The following TESPA1 variants were observed in gnomAD, a reference collection of about 807,000 sequenced individuals.
TESPA1 encodes the protein thymocyte expressed, positive selection associated 1, also known as protein TESPA1.
Under a neutral mutation model 57.9 loss-of-function variants are expected in TESPA1, and 33 were observed. The observed-to-expected ratio is 0.57, with a 90% confidence interval of 0.43 to 0.76. TESPA1 has a LOEUF of 0.76. TESPA1 is among the 30% of genes least tolerant of loss of function. The pLI is 0.00. For synonymous variants in TESPA1, 227 were observed against 228.9 expected, an observed-to-expected ratio of 0.99 and a Z score of 0.07; for missense variants, 618 against 632.9, an observed-to-expected ratio of 0.98 and a Z score of 0.25.
rs1951495363 is a variant in TESPA1 at position 54,967,170 on chromosome 12, C to T, written c.310+13G>A. 2 of 1,613,086 alleles carry T rather than the reference C, an allele frequency of 1.2e-6. No individual in the cohort carries two copies. The highest frequency in any genetic ancestry group is 1.7e-6 in the Non-Finnish European group (2 of 1,179,658). On this transcript the variant is annotated intron_variant, in intron 5 of 10. Transcript: ENST00000449076. ...GTTTTCTCATCCCAACCTCAGAGAACTGTGCCACTTACCCTCCGCTCCCAG... is the reference window on the plus strand; with the variant it reads ...GTTTTCTCATCCCAACCTCAGAGAATTGTGCCACTTACCCTCCGCTCCCAG...
chr12:54,962,492 T>A lies in TESPA1; in HGVS notation c.1406A>T (p.Asp469Val). The A allele has an allele frequency of 3.1e-6, 5 of 1,613,278 alleles. No individual in the cohort carries two copies. The highest frequency in any genetic ancestry group is 4.2e-6 in the Non-Finnish European group (5 of 1,179,896). ...TAAAGACCGACGCAGTTCTGGTCTG[T>A]CTACACTCTGCTTCCATTTCTGCTG... ...ITQQKWKQSV[D>V]RPELRRSLSQ... The change falls in exon 9 of 11, where the codon GAC (aspartate) becomes GTC (valine). Residue 469 changes from aspartate (D) to valine (V), a missense_variant. Asp to Val is a radical substitution (Grantham distance 152). Around this residue, in one of 3 missense-constraint regions of TESPA1, gnomAD observed 409 missense variants for 420.1 expected, o/e 0.97. Transcript: ENST00000449076.
At position 54,948,286 on chromosome 12, in the gene TESPA1, C is replaced by T. The variant is rs10876662; in HGVS notation, c.*2106G>A. On this transcript the variant is annotated 3_prime_UTR_variant, in exon 11 of 11. Coordinates refer to ENST00000449076, the MANE Select transcript of TESPA1 (RefSeq NM_001136030.3). ...CCATTTTCACTTCTTTTGTGATTCTCCACTTGCTTCAGGCCATCTGGATGT... is the reference window on the plus strand; with the variant it reads ...CCATTTTCACTTCTTTTGTGATTCTTCACTTGCTTCAGGCCATCTGGATGT... The T allele has an allele frequency of 0.13, 23,602 of 177,560 alleles. 2,814 individuals are homozygous for T. Among genetic ancestry groups the T allele is most frequent in the East Asian group, 0.52 (3,410 of 6,568 alleles). 11.0% of individuals were successfully genotyped at this position (177,560 alleles called of 1,614,324 possible). A position where few individuals can be genotyped will look rare whatever the true frequency, so the allele number is the denominator to read the frequency against.
In TESPA1 at chr12:54,973,482, A is replaced by G. The variant is rs978106241; in HGVS notation, c.201T>C (p.Asp67=). The change falls in exon 3 of 11, where the codon GAT becomes GAC. Residue 67 remains aspartate (D), a synonymous_variant. Coordinates refer to ENST00000449076, the MANE Select transcript of TESPA1 (RefSeq NM_001136030.3). ...ATTGCCTGTCCAGCACTTACCCGCA[A>G]TCCTGCAGCCAGTCTTCAATTTTAT... ...PINKIEDWLQ[D]CGYSEEGFSE... is the part of the protein sequence containing the mutation. 37 of 1,613,928 alleles carry G rather than the reference A, an allele frequency of 2.3e-5. 1 individual carries two copies. Among genetic ancestry groups the G allele is most frequent in the Non-Finnish European group, 3.0e-5 (35 of 1,179,872 alleles).
rs559336085 is a variant in TESPA1, at chr12:54,973,435, AC to A, written c.206+41del. 8.2e-5 allele frequency: 133 copies of A among 1,613,334 alleles called. 1 individual carries two copies. In the African/African-American group the frequency reaches 1.4e-3, roughly 16 times the overall value. ...GGAGTTGTGTCTGTTAGCAAATTCA[AC>A]CATCAGCCACATACCACCCCATTGC... On this transcript the variant is annotated intron_variant, in intron 3 of 10. Coordinates refer to ENST00000449076, the MANE Select transcript of TESPA1 (RefSeq NM_001136030.3).
intron 5 of TESPA1, among the ~76,000 whole-genome samples, chr12:54,966,813 C>T (rs776962981): frequency 1.3e-5 from 2 of 152,168 alleles, no homozygotes; most frequent in Non-Finnish European, 2.9e-5. Flanking sequence ...ATGTCCTTCT[C>T]CTCCTGCAGT....
chr12:54,960,368 T>C (rs1015084434), intron 10 of TESPA1, among the ~76,000 whole-genome samples: 2 of 152,208 alleles, frequency 1.3e-5, no homozygotes, highest in Middle Eastern at 3.2e-3. Context: ...AAATTTTAGC[T>C]GCAATAAATA....
intron 1 of TESPA1, among the ~76,000 whole-genome samples, chr12:54,980,191 A>G (rs1418130788): frequency 6.6e-6 from 1 of 152,216 alleles, no homozygotes; most frequent in African/African-American, 2.4e-5. Flanking sequence ...GCATCTATGT[A>G]AGCTCTCCAT....
rs1385041581 is a variant in TESPA1, at chr12:54,974,448, C to A, written c.115G>T (p.Asp39Tyr). The change falls in exon 2 of 11, where the codon GAT becomes TAT. Residue 39 changes from aspartate to tyrosine, a missense_variant. Physicochemically the swap from Asp to Tyr is radical, Grantham distance 160. This residue lies in a region of TESPA1 where 199 missense variants were observed against 184.0 expected (regional missense o/e 1.08). Coordinates refer to ENST00000449076, the MANE Select transcript of TESPA1 (RefSeq NM_001136030.3). ...LEEEAAAALQDVPDPEPSSLD... is the reference protein window; with the variant it reads ...LEEEAAAALQYVPDPEPSSLD... ...CTGGAAGGCTCAGGATCTGGGACAT[C>A]CTGCAGGGCGGCGGCAGCCTCCTCT... 1 of 1,610,570 alleles carries A rather than the reference C, an allele frequency of 6.2e-7. No homozygotes were observed. Among genetic ancestry groups the A allele is most frequent in the Non-Finnish European group, 8.5e-7 (1 of 1,178,526 alleles).
rs114547666 is a variant in TESPA1, at chr12:54,954,035, C to G, written c.*2-3645G>C. ...TCTTGCTGGTGACTTTATAAGAAGG[C>G]AAGTACATTTCAGTGGTGACAAAGG... On this transcript the variant is annotated intron_variant, in intron 10 of 10. Transcript: ENST00000449076. Among the ~76,000 whole-genome samples the G allele has an allele frequency of 8.7e-3, 1,328 of 152,272 alleles. 8 individuals carry two copies. The highest frequency in any genetic ancestry group is 0.024 in the Middle Eastern group (7 of 294).
chr12:54,970,953 C>A (rs1565863650), intron 3 of TESPA1, among the ~76,000 whole-genome samples: 1 of 152,166 alleles, frequency 6.6e-6, no homozygotes, highest in Non-Finnish European at 1.5e-5. Flanking sequence ...ATGAGCAACA[C>A]AGTCATGTCC....
intron 2 of TESPA1, 54 bp from the exon 3 acceptor site, chr12:54,973,573 T>A (rs371606741): frequency 6.2e-7 from 1 of 1,613,310 alleles, no homozygotes; most frequent in Non-Finnish European, 8.5e-7. Context: ...TCAGACCTCC[T>A]CCCTGCAACT....
chr12:54,953,876 G>A (rs376804417), intron 10 of TESPA1, among the ~76,000 whole-genome samples: 32 of 152,144 alleles, frequency 2.1e-4, no homozygotes, highest in African/African-American at 6.8e-4. Context: ...GCCATCTTCT[G>A]AAAGGTTAAT....
At chr12:54,964,935 G>T (rs1268216945) in intron 7 of TESPA1, among the ~76,000 whole-genome samples, 1 of 152,120 alleles carries the variant, frequency 6.6e-6, no homozygotes, top group Non-Finnish European at 1.5e-5. Flanking sequence ...TTGAACTAGG[G>T]TATGAACTAG....
intron 10 of TESPA1, among the ~76,000 whole-genome samples, chr12:54,958,443 T>G (rs1217530418): frequency 2.6e-5 from 4 of 152,184 alleles, no homozygotes; most frequent in Non-Finnish European, 4.4e-5. Flanking sequence ...CCTTTACTTG[T>G]GATTTTCTGT....
intron 1 of TESPA1, among the ~76,000 whole-genome samples, chr12:54,982,329 C>T (rs183457545): frequency 1.3e-5 from 2 of 152,204 alleles, no homozygotes; most frequent in East Asian, 1.9e-4. Flanking sequence ...TCAATCTGTT[C>T]GGGGAAAAGG....
rs781152899 is a variant in TESPA1, at chr12:54,962,732, G to A, written c.1166C>T (p.Pro389Leu). 2.7e-5 allele frequency: 43 copies of A among 1,613,772 alleles called. No homozygotes were observed. Among genetic ancestry groups the A allele is most frequent in the Non-Finnish European group, 3.6e-5 (43 of 1,179,894 alleles). Residue 389 changes from proline (P) to leucine (L), a missense_variant, in exon 9 of 11, where the codon CCC becomes CTC. By Grantham distance (98) the Pro-to-Leu change is moderately conservative. Transcript: ENST00000449076. ...SQTLDSNPKVPCCTHSLPIED... is the reference protein window; with the variant it reads ...SQTLDSNPKVLCCTHSLPIED... ...TATGGGCAGAGAATGTGTGCAACAG[G>A]GTACCTTGGGGTTCGAATCCAGAGT...
intron 1 of TESPA1, 104 bp downstream of exon 1, chr12:54,984,481 C>G (rs1952426207): frequency 6.6e-6 from 1 of 152,318 alleles, no homozygotes; most frequent in Admixed American, 6.5e-5. Context: ...TCTTGATTTT[C>G]CCTTGACTTG....
chr12:54,962,723 G>C lies in TESPA1; in HGVS notation c.1175C>G (p.Thr392Arg). 1 of 1,613,986 alleles carries C rather than the reference G, an allele frequency of 6.2e-7. No individual in the cohort carries two copies. Among genetic ancestry groups the C allele is most frequent in the Non-Finnish European group, 8.5e-7 (1 of 1,179,888 alleles). ...LDSNPKVPCC[T>R]HSLPIEDPQW... ...TGGATCTTCTATGGGCAGAGAATGT[G>C]TGCAACAGGGTACCTTGGGGTTCGA... Residue 392 changes from threonine (T) to arginine (R), a missense_variant, in exon 9 of 11, where the codon ACA becomes AGA. Thr to Arg is a moderately conservative substitution (Grantham distance 71). Coordinates refer to ENST00000449076, the MANE Select transcript of TESPA1 (RefSeq NM_001136030.3).
At chr12:54,965,612 T>A (rs190372430) in intron 7 of TESPA1, among the ~76,000 whole-genome samples, 1 of 152,340 alleles carries the variant, frequency 6.6e-6, no homozygotes, top group East Asian at 1.9e-4. Context: ...CTGGGTTGAT[T>A]CCATGTCTTT....
Sources: allele counts gnomAD v4.1 joint callset (sites outside exome capture counted in the v4.1 genomes callset), GRCh38; gene constraint gnomAD v4.1.1; regional missense constraint gnomAD v4.1.1; transcripts MANE v1.5; gene names NCBI Gene and HGNC (gene_info 2026-07-23, HGNC 2026-07-21).